GMDS: variants seen among roughly 807,000 people sequenced by gnomAD.
GMDS encodes the protein GDP-mannose 4,6-dehydratase.
Under a neutral mutation model 49.9 loss-of-function variants are expected in GMDS, and 20 were observed. The observed-to-expected ratio is 0.40, with a 90% CI of 0.28 to 0.58. GMDS has a LOEUF of 0.58. GMDS is among the 20% of genes least tolerant of loss of function. The pLI is 0.42. For synonymous variants in GMDS, 177 were observed against 178.6 expected (o/e 0.99, Z 0.07); for missense variants, 362 against 481.4 (o/e 0.75, Z 2.32).
intron 1 of GMDS, among the ~76,000 whole-genome samples, chr6:2,180,294 A>G (rs997333651): frequency 2.0e-5 from 3 of 152,246 alleles, no homozygotes; most frequent in Admixed American, 2.0e-4. Flanking sequence ...TAAAGCACCT[A>G]GATCTTTTTG....
At position 2,241,906 on chromosome 6, in the gene GMDS, T is replaced by C. The variant is rs189698457; in HGVS notation, c.102+3415A>G. ...ATCTGCAGCAGCACCAAAACAAGCCTTGGACACTGCAGACATGCAGTGAAG... is the reference window on the plus strand; with the variant it reads ...ATCTGCAGCAGCACCAAAACAAGCCCTGGACACTGCAGACATGCAGTGAAG... On this transcript the variant is annotated intron_variant, in intron 1 of 10. Coordinates refer to ENST00000380815, the MANE Select transcript of GMDS (RefSeq NM_001500.4). 1.1e-4 allele frequency among the ~76,000 whole-genome samples: 16 copies of C among 152,274 alleles called. No individual in the cohort carries two copies. In the East Asian group the frequency reaches 2.5e-3, roughly 24 times the overall value.
intron 1 of GMDS, among the ~76,000 whole-genome samples, chr6:2,178,578 A>G (rs34133272): frequency 0.015 from 2,316 of 152,282 alleles, 35 homozygotes; most frequent in Non-Finnish European, 0.024. Context: ...CCAATCCAAC[A>G]TAAGATTTAG....
chr6:1,782,988 T>C (rs1004145040), intron 7 of GMDS, among the ~76,000 whole-genome samples: 2 of 151,754 alleles, frequency 1.3e-5, no homozygotes. Flanking sequence ...ACTCCATCTT[T>C]ACAAAAAAAA....
At chr6:2,077,621 T>C (rs143940224) in intron 4 of GMDS, among the ~76,000 whole-genome samples, 1 of 152,236 alleles carries the variant, frequency 6.6e-6, no homozygotes, top group East Asian at 1.9e-4. Flanking sequence ...CTTGTAGCCC[T>C]GGTATAAAGC....
In GMDS at chr6:2,034,447, C is replaced by T. The variant is rs150493622; in HGVS notation, c.346-73481G>A. Among the ~76,000 whole-genome samples, 9 of 152,146 alleles carry T rather than the reference C, an allele frequency of 5.9e-5. No homozygotes were observed. In the East Asian group the frequency reaches 1.5e-3, roughly 26 times the overall value. The stretch of plus-strand genomic sequence containing the variant: ...TGCCAATGGGTATGAGCTTTCTGTT[C>T]GGGGTGATGACAATGCTCTAAAATT... On this transcript the variant is annotated intron_variant, in intron 4 of 10. Coordinates refer to ENST00000380815, the MANE Select transcript of GMDS (RefSeq NM_001500.4).
At chr6:1,788,090 C>T (rs1345722089) in intron 7 of GMDS, among the ~76,000 whole-genome samples, 1 of 152,086 alleles carries the variant, frequency 6.6e-6, no homozygotes, top group Admixed American at 6.5e-5. Flanking sequence ...GGAGGTTAGA[C>T]AGGCAATGAG....
At chr6:2,001,748 G>A (rs1216338400) in intron 4 of GMDS, among the ~76,000 whole-genome samples, 1 of 152,138 alleles carries the variant, frequency 6.6e-6, no homozygotes, top group East Asian at 1.9e-4. Context: ...GTCTAGGATC[G>A]ACTGATTTCG....
At chr6:1,900,482 C>T (rs1229796738) in intron 7 of GMDS, among the ~76,000 whole-genome samples, 1 of 152,110 alleles carries the variant, frequency 6.6e-6, no homozygotes, top group Non-Finnish European at 1.5e-5. Context: ...ATAAAGAGCC[C>T]CTGCTGTTAA....
chr6:2,047,246 C>T (rs1160836989), intron 4 of GMDS, among the ~76,000 whole-genome samples: 1 of 152,062 alleles, frequency 6.6e-6, no homozygotes, highest in Non-Finnish European at 1.5e-5. Context: ...TTTGTACTGC[C>T]CTGCATAGTT....
At chr6:1,763,327 C>T (rs3800042) in intron 7 of GMDS, among the ~76,000 whole-genome samples, 50,476 of 152,122 alleles carry the variant, frequency 0.33, 8,662 homozygotes, top group South Asian at 0.46. Flanking sequence ...AGTGAGAGGA[C>T]TATGCAAAGG....
intron 1 of GMDS, among the ~76,000 whole-genome samples, chr6:2,224,241 G>A (rs1780722210): frequency 6.6e-6 from 1 of 152,190 alleles, no homozygotes; most frequent in African/African-American, 2.4e-5. Flanking sequence ...AAGGCTGGGG[G>A]AATAATGAGA....
At chr6:1,705,666 C>T (rs187901256) in intron 9 of GMDS, among the ~76,000 whole-genome samples, 25 of 152,216 alleles carry the variant, frequency 1.6e-4, no homozygotes, top group African/African-American at 4.6e-4. Flanking sequence ...TAATGGACTG[C>T]GCATGGTGTG....
chr6:1,651,162 G>T (rs1254069356), intron 9 of GMDS, among the ~76,000 whole-genome samples: 2 of 152,210 alleles, frequency 1.3e-5, no homozygotes, highest in Non-Finnish European at 1.5e-5. Context: ...AGCTCCACCA[G>T]GAGTGTGGCA....
intron 1 of GMDS, among the ~76,000 whole-genome samples, chr6:2,215,111 T>C (rs899235008): frequency 1.3e-5 from 2 of 152,144 alleles, no homozygotes; most frequent in Non-Finnish European, 2.9e-5. Flanking sequence ...AAAAGAACAC[T>C]TTGGGAATAT....
chr6:2,064,577 G>A lies in GMDS; in HGVS notation c.345+51194C>T, dbSNP rs143337406. 2.4e-3 allele frequency among the ~76,000 whole-genome samples: 370 copies of A among 152,076 alleles called. 1 individual carries two copies. The highest frequency in any genetic ancestry group is 8.7e-3 in the African/African-American group (359 of 41,476). On this transcript the variant is annotated intron_variant, in intron 4 of 10. Transcript: ENST00000380815. Reference sequence around the variant, plus strand: ...TAGGATCCCAAAGGACCTCCTCCCCGATTCCCTACAATTTCTTCTATATTA... The same window carrying A: ...TAGGATCCCAAAGGACCTCCTCCCCAATTCCCTACAATTTCTTCTATATTA...
intron 4 of GMDS, among the ~76,000 whole-genome samples, chr6:1,967,935 A>T (rs1764360845): frequency 1.3e-5 from 2 of 152,252 alleles, no homozygotes; most frequent in African/African-American, 4.8e-5. Flanking sequence ...AAGGGACCAG[A>T]TATAGATGCT....
chr6:1,949,018 G>T, intron 6 of GMDS: 1 of 933,254 alleles, frequency 1.1e-6, no homozygotes, highest in Non-Finnish European at 1.3e-6. Context: ...AGTAGCCACA[G>T]CAATCCCACT....
At chr6:1,954,323 G>A (rs1022387585) in intron 6 of GMDS, among the ~76,000 whole-genome samples, 1 of 152,224 alleles carries the variant, frequency 6.6e-6, no homozygotes, top group East Asian at 1.9e-4. Context: ...CCTCAGTGTC[G>A]ATGGCTGCTA....
At chr6:1,772,518 A>T (rs1019397011) in intron 7 of GMDS, among the ~76,000 whole-genome samples, 3 of 152,230 alleles carry the variant, frequency 2.0e-5, no homozygotes, top group African/African-American at 7.2e-5. Context: ...AATTCTACTT[A>T]TTTCTTCAAT....
Sources: allele counts gnomAD v4.1 joint callset (sites outside exome capture counted in the v4.1 genomes callset), GRCh38; gene constraint gnomAD v4.1.1; transcripts MANE v1.5; gene names NCBI Gene and HGNC (gene_info 2026-07-23, HGNC 2026-07-21).